QSOX2: variants seen among roughly 807,000 people sequenced by gnomAD.
The protein encoded by QSOX2 is quiescin sulfhydryl oxidase 2, also known as sulfhydryl oxidase 2.
In QSOX2, 46 loss-of-function variants were observed where a neutral mutation model predicts 61.7. That is an observed-to-expected ratio of 0.75 (90% CI 0.59 to 0.95). QSOX2 has a LOEUF of 0.95. Among genes scored for constraint, QSOX2 ranks in the 40% least tolerant of loss-of-function variants. The probability of loss-of-function intolerance (pLI) is 0.00; values close to 1 mark genes in which losing one functional copy is unlikely to be tolerated. For missense variants in QSOX2, 879 were observed against 918.9 expected, an observed-to-expected ratio of 0.96 and a Z score of 0.56; for synonymous variants, 383 against 388.4, an observed-to-expected ratio of 0.99 and a Z score of 0.16.
chr9:136,209,947 G>C lies in QSOX2; in HGVS notation c.1550-672C>G, dbSNP rs138392420. ...CGGCGCACGGCGCCTCCTAGCTCTC[G>C]GAGCCCCTGCGACCCGACTTGCTGA... On this transcript the variant is annotated intron_variant, in intron 11 of 11. Coordinates refer to ENST00000358701, the MANE Select transcript of QSOX2 (RefSeq NM_181701.4). This position sits in a 1 kb window ranked among gnomAD's most constrained non-coding sequence, Gnocchi z 5.6. 3.2e-5 allele frequency: 32 copies of C among 985,338 alleles called. No individual in the cohort carries two copies. The highest frequency in any genetic ancestry group is 3.9e-5 in the Non-Finnish European group (32 of 829,910). 61.0% of individuals were successfully genotyped at this position (985,338 alleles called of 1,614,324 possible). A position where few individuals can be genotyped will look rare whatever the true frequency, so the allele number is the denominator to read the frequency against.
chr9:136,211,873 C>T (rs1032847873), intron 10 of QSOX2, among the ~76,000 whole-genome samples: 5 of 152,220 alleles, frequency 3.3e-5, no homozygotes, highest in African/African-American at 9.6e-5. Context: ...TCTTGCCTTA[C>T]AAGCAACTCT....
At position 136,228,186 on chromosome 9, in the gene QSOX2, G is replaced by A. The variant is rs1416393678; in HGVS notation, c.329-1312C>T. ...AACATGCTTCCACCCAGAGGCAAGC[G>A]ACGCCTCTCTCCTTAGTGATCACGA... On this transcript the variant is annotated intron_variant, in intron 1 of 11. Coordinates refer to ENST00000358701, the MANE Select transcript of QSOX2 (RefSeq NM_181701.4). Among the ~76,000 whole-genome samples, 4 of 152,118 alleles carry A rather than the reference G, an allele frequency of 2.6e-5. No individual in the cohort carries two copies. In the East Asian group the frequency reaches 5.8e-4, roughly 22 times the overall value.
intron 1 of QSOX2, among the ~76,000 whole-genome samples, chr9:136,235,625 G>A (rs1262250809): frequency 6.6e-6 from 1 of 152,254 alleles, no homozygotes; most frequent in Non-Finnish European, 1.5e-5. Flanking sequence ...ACGTCTGAGT[G>A]AAGGAAGACG....
chr9:136,207,571 T>A lies in QSOX2; in HGVS notation c.*1157A>T, dbSNP rs1831783682. 6.6e-6 allele frequency: 1 copy of A among 152,364 alleles called. No individual in the cohort carries two copies. Among genetic ancestry groups the A allele is most frequent in the South Asian group, 2.1e-4 (1 of 4,832 alleles). The allele number at this position is 152,364 out of a possible 1,614,324, so 9.4% of individuals were successfully genotyped here. ...AAATGTTTTGGGTTTAAAAACAATG[T>A]TTAAAATTATCAAATGGTAAAAGAC... is the stretch of plus-strand genomic sequence containing the variant. On this transcript the variant is annotated 3_prime_UTR_variant, in exon 12 of 12. Coordinates refer to ENST00000358701, the MANE Select transcript of QSOX2 (RefSeq NM_181701.4).
At position 136,209,958 on chromosome 9, in the gene QSOX2, G is replaced by A. The variant is rs1302754713; in HGVS notation, c.1550-683C>T. The A allele has an allele frequency of 1.3e-5, 13 of 985,282 alleles. No individual in the cohort carries two copies. Among genetic ancestry groups the A allele is most frequent in the African/African-American group, 5.2e-5 (3 of 57,248 alleles). The allele number at this position is 985,282 out of a possible 1,614,324, so 61.0% of individuals were successfully genotyped here. A position where few individuals can be genotyped will look rare whatever the true frequency, so the allele number is the denominator to read the frequency against. The stretch of plus-strand genomic sequence containing the variant: ...GCCTCCTAGCTCTCGGAGCCCCTGC[G>A]ACCCGACTTGCTGACACCTGGCCAC... On this transcript the variant is annotated intron_variant, in intron 11 of 11. Transcript: ENST00000358701. The surrounding 1 kb of genome is among the most constrained non-coding windows in gnomAD (Gnocchi z 5.6).
chr9:136,233,121 G>A (rs1305647077), intron 1 of QSOX2, among the ~76,000 whole-genome samples: 3 of 152,034 alleles, frequency 2.0e-5, no homozygotes, highest in Admixed American at 2.0e-4. Context: ...GCTGCCGGGT[G>A]TATCAGCAGG....
chr9:136,224,813 T>C (rs372529968), intron 3 of QSOX2, 48 bp downstream of exon 3: 28 of 1,375,238 alleles, frequency 2.0e-5, no homozygotes, highest in Middle Eastern at 1.8e-4. Flanking sequence ...CTTTAGCAGG[T>C]TTATGAGGGG....
At chr9:136,218,125 G>A (rs1831935131) in intron 8 of QSOX2, among the ~76,000 whole-genome samples, 1 of 152,172 alleles carries the variant, frequency 6.6e-6, no homozygotes, top group South Asian at 2.1e-4. Flanking sequence ...CTGACCCTGG[G>A]CACGGCCAGG....
intron 6 of QSOX2, among the ~76,000 whole-genome samples, chr9:136,220,043 T>C (rs1008794087): frequency 2.6e-5 from 4 of 152,222 alleles, no homozygotes; most frequent in Non-Finnish European, 4.4e-5. Flanking sequence ...CTCATTTATC[T>C]ATTTTTGAGA....
chr9:136,216,012 C>T (rs115778868), intron 9 of QSOX2, among the ~76,000 whole-genome samples: 2,541 of 152,308 alleles, frequency 0.017, 65 homozygotes, highest in African/African-American at 0.057. Context: ...GGCAAAATCA[C>T]GGCACGACAA....
Position 136,223,872 on chromosome 9 carries a change from G to A in QSOX2, c.585-19C>T, listed in dbSNP as rs374463532. On this transcript the variant is annotated intron_variant, in intron 4 of 11. Coordinates refer to ENST00000358701, the MANE Select transcript of QSOX2 (RefSeq NM_181701.4). The surrounding 1 kb of genome is among the most constrained non-coding windows in gnomAD (Gnocchi z 4.4). The stretch of plus-strand genomic sequence containing the variant: ...ACTGGGCCTTTCAAGAGGAAAAAAA[G>A]AGGCTTTTAGTGCCGTCAACAGCAG... The A allele has an allele frequency of 4.3e-6, 7 of 1,612,496 alleles. No individual in the cohort carries two copies. Among genetic ancestry groups the A allele is most frequent in the East Asian group, 4.5e-5 (2 of 44,880 alleles).
chr9:136,219,184 A>G lies in QSOX2; in HGVS notation c.822-20T>C. ...TTCACGCTGTGAGAGAGGGGAGGGCAAAGGTGAGAAGAGCCTCCTTTATAA... is the reference window on the plus strand; with the variant it reads ...TTCACGCTGTGAGAGAGGGGAGGGCGAAGGTGAGAAGAGCCTCCTTTATAA... On this transcript the variant is annotated intron_variant, in intron 6 of 11. Coordinates refer to ENST00000358701, the MANE Select transcript of QSOX2 (RefSeq NM_181701.4). The G allele has an allele frequency of 6.2e-7, 1 of 1,609,138 alleles. No homozygotes were observed. Among genetic ancestry groups the G allele is most frequent in the Non-Finnish European group, 8.5e-7 (1 of 1,177,498 alleles).
intron 11 of QSOX2, chr9:136,210,138 G>C (rs961116278): frequency 1.7e-5 from 17 of 985,364 alleles, no homozygotes; most frequent in South Asian, 4.7e-5. Context: ...GAAGCCAGAG[G>C]GGACAAGCAC....
At chr9:136,216,860 G>A (rs1831920422) in intron 8 of QSOX2, 138 bp from the exon 9 acceptor site, 1 of 1,109,324 alleles carries the variant, frequency 9.0e-7, no homozygotes, top group Non-Finnish European at 1.3e-6. Flanking sequence ...TCATAACTCG[G>A]GTTTCTCTGA....
At chr9:136,239,881 C>T (rs752470730) in intron 1 of QSOX2, among the ~76,000 whole-genome samples, 7 of 152,366 alleles carry the variant, frequency 4.6e-5, no homozygotes, top group Non-Finnish European at 7.3e-5. Flanking sequence ...GGCAGATGGA[C>T]GGTATTCATG....
chr9:136,232,578 G>T (rs758347830), intron 1 of QSOX2, among the ~76,000 whole-genome samples: 9 of 151,978 alleles, frequency 5.9e-5, no homozygotes, highest in African/African-American at 2.2e-4. Flanking sequence ...ACTCACACAC[G>T]CAAAACTTAC....
At chr9:136,235,289 G>C (rs73668099) in intron 1 of QSOX2, among the ~76,000 whole-genome samples, 3,309 of 152,328 alleles carry the variant, frequency 0.022, 127 homozygotes, top group African/African-American at 0.075. Flanking sequence ...CCACTCAAAG[G>C]CCACGTCCCC....
At chr9:136,231,777 G>C (rs1207590495) in intron 1 of QSOX2, among the ~76,000 whole-genome samples, 1 of 152,218 alleles carries the variant, frequency 6.6e-6, no homozygotes, top group Non-Finnish European at 1.5e-5. Context: ...CAAAGGCTGT[G>C]GTGTGAATGT....
At chr9:136,210,820 G>C (rs1448785823) in intron 11 of QSOX2, 1 of 984,520 alleles carries the variant, frequency 1.0e-6, no homozygotes, top group Non-Finnish European at 1.2e-6. Context: ...AAATACATGT[G>C]CCCTATTTAA....
Sources: allele counts gnomAD v4.1 joint callset (sites outside exome capture counted in the v4.1 genomes callset), GRCh38; gene constraint gnomAD v4.1.1; non-coding constraint Gnocchi (gnomAD v3.1); transcripts MANE v1.5; gene names NCBI Gene and HGNC (gene_info 2026-07-23, HGNC 2026-07-21).